FABP12: variants seen among roughly 807,000 people sequenced by gnomAD.
The protein encoded by FABP12 is fatty acid binding protein 12.
In FABP12, 19 loss-of-function variants were observed where a neutral mutation model predicts 13.7. The ratio of observed to expected loss-of-function variants is 1.39; its 90% CI spans 0.97 to 2.04. The LOEUF (loss-of-function observed/expected upper bound fraction) is 2.04. FABP12 is among the 30% of genes most tolerant of loss of function. The pLI is 0.00. For synonymous variants in FABP12, 61 were observed against 57.0 expected (o/e 1.07, Z -0.32); for missense variants, 182 against 164.2 (o/e 1.11, Z -0.59).
chr8:81,552,527 T>C (rs912016723), intron 1 of FABP12, among the ~76,000 whole-genome samples: 43 of 152,066 alleles, frequency 2.8e-4, no homozygotes, highest in Non-Finnish European at 1.2e-4. Flanking sequence ...GGAGGCAGGA[T>C]GAAAGGAGAC....
At chr8:81,541,425 A>T (rs1479289598) in intron 1 of FABP12, among the ~76,000 whole-genome samples, 1 of 152,150 alleles carries the variant, frequency 6.6e-6, no homozygotes, top group Non-Finnish European at 1.5e-5. Flanking sequence ...CTGGACCTGA[A>T]ATACATATCA....
At chr8:81,538,841 T>C (rs1809282212), upstream of FABP12, among the ~76,000 whole-genome samples, 1 of 152,154 alleles carries the variant, frequency 6.6e-6, no homozygotes, top group Non-Finnish European at 1.5e-5. Context: ...TTAATTTTTA[T>C]TACTTTTTAA....
At chr8:81,570,109 C>T (rs972570932) in intron 1 of FABP12, among the ~76,000 whole-genome samples, 4 of 152,194 alleles carry the variant, frequency 2.6e-5, no homozygotes, top group Admixed American at 1.3e-4. Flanking sequence ...GCAGCTGGAC[C>T]CGGTGCATTG....
At chr8:81,542,963 GA>G (rs1398223336) in intron 1 of FABP12, among the ~76,000 whole-genome samples, 1 of 152,168 alleles carries the variant, frequency 6.6e-6, no homozygotes, top group East Asian at 1.9e-4. Flanking sequence ...TGCTGCTGTG[GA>G]AAAGGCAACC....
intron 1 of FABP12, among the ~76,000 whole-genome samples, chr8:81,545,706 C>A (rs532912514): frequency 6.6e-6 from 1 of 152,094 alleles, no homozygotes; most frequent in Non-Finnish European, 1.5e-5. Context: ...CTAATTACTT[C>A]GAAAACTGGT....
At chr8:81,547,048 A>G (rs967574154) in intron 1 of FABP12, among the ~76,000 whole-genome samples, 14 of 152,374 alleles carry the variant, frequency 9.2e-5, no homozygotes, top group Non-Finnish European at 1.8e-4. Context: ...AAAGAAAGGG[A>G]AAAAAGTCAG....
intron 3 of FABP12, 81 bp from the exon 4 acceptor site, chr8:81,527,202 A>G: frequency 1.3e-6 from 1 of 753,414 alleles, no homozygotes; most frequent in Admixed American, 2.5e-5. Context: ...AATTCTTTTT[A>G]GCTGTTGTAA....
intron 1 of FABP12, among the ~76,000 whole-genome samples, chr8:81,571,345 T>G (rs111936375): frequency 6.6e-6 from 1 of 152,182 alleles, no homozygotes; most frequent in African/African-American, 2.4e-5. Context: ...CAGCCGCACT[T>G]GGTCATCCCG....
chr8:81,571,060 T>TCC (rs34161315), intron 1 of FABP12, among the ~76,000 whole-genome samples: 4 of 152,116 alleles, frequency 2.6e-5, no homozygotes. Context: ...CCCCACTCAG[T>TCC]CCCCCCACCC....
Position 81,545,488 on chromosome 8 carries a change from A to G in FABP12, c.-184-5745T>C, listed in dbSNP as rs143507443. On this transcript the variant is annotated intron_variant, in intron 1 of 5. Coordinates refer to the FABP12 transcript ENST00000692030. ...AAAATTAGTCCAGTGAAAGAGCTGG[A>G]ATTAGTCTAGCATTTTGAAAAGATT... Among the ~76,000 whole-genome samples the G allele has an allele frequency of 4.1e-3, 625 of 152,326 alleles. 7 individuals carry two copies. The highest frequency in any genetic ancestry group is 0.014 in the African/African-American group (596 of 41,566).
chr8:81,529,391 A>T (rs753554543), intron 3 of FABP12, 47 bp downstream of exon 3: 1 of 1,581,208 alleles, frequency 6.3e-7, no homozygotes, highest in South Asian at 1.1e-5. Flanking sequence ...ATGATATCTG[A>T]CTAACATTCT....
Position 81,541,021 on chromosome 8 carries a change from G to A in FABP12, c.-184-1278C>T, listed in dbSNP as rs550602280. Among the ~76,000 whole-genome samples the A allele has an allele frequency of 2.7e-3, 405 of 152,040 alleles. 2 individuals are homozygous for A. Among genetic ancestry groups the A allele is most frequent in the Middle Eastern group, 0.01 (3 of 294 alleles). ...TCTCTACTAAAAATACAAAAAATTA[G>A]CCAGGTTTGGTGGTGGGTGCCTGTA... On this transcript the variant is annotated intron_variant, in intron 1 of 5. Transcript: ENST00000692030.
At position 81,529,476 on chromosome 8, in the gene FABP12, C is replaced by A. The variant is rs555788593; in HGVS notation, c.208G>T (p.Glu70Ter). 23 of 1,613,824 alleles carry A rather than the reference C, an allele frequency of 1.4e-5. 1 individual carries two copies. In the Admixed American group the frequency reaches 3.3e-4, roughly 23 times the overall value. Residue 70 changes from glutamate (E) to a stop codon, truncating the protein, a stop_gained, in exon 3 of 5, where the codon GAG (glutamate) becomes TAG (stop). Coordinates refer to ENST00000360464, the Ensembl canonical transcript of FABP12. LOFTEE classifies it high-confidence loss of function. ...CCACCTGGCGTGATTTCCTCAAACT[C>A]TTCTCCCAGCTTAAAGGAGATCTCA...
chr8:81,550,205 ACTGG>A (rs1434894281), intron 1 of FABP12, among the ~76,000 whole-genome samples: 1 of 152,218 alleles, frequency 6.6e-6, no homozygotes, highest in Non-Finnish European at 1.5e-5. Context: ...AGTGCCAGCT[ACTGG>A]GGATACAATA....
chr8:81,576,754 T>G lies in FABP12; in HGVS notation c.-185+13299A>C, dbSNP rs76152316. Among the ~76,000 whole-genome samples, 638 of 152,326 alleles carry G rather than the reference T, an allele frequency of 4.2e-3. 5 individuals carry two copies. Among genetic ancestry groups the G allele is most frequent in the African/African-American group, 0.014 (589 of 41,568 alleles). Reference sequence around the variant, plus strand: ...CTGAGTGGCTTAAAACCACAAAGTTTTATTTCTAGCTCATGCTATATGTTT... The same window carrying G: ...CTGAGTGGCTTAAAACCACAAAGTTGTATTTCTAGCTCATGCTATATGTTT... On this transcript the variant is annotated intron_variant, in intron 1 of 5. Transcript: ENST00000692030.
At chr8:81,543,924 G>C (rs73692933) in intron 1 of FABP12, among the ~76,000 whole-genome samples, 2,536 of 152,158 alleles carry the variant, frequency 0.017, 68 homozygotes, top group African/African-American at 0.058. Context: ...GAGAGACAGA[G>C]AGATGAGTGT....
intron 1 of FABP12, chr8:81,533,033 C>T (rs1181915687): frequency 6.6e-6 from 1 of 152,156 alleles, no homozygotes; most frequent in Non-Finnish European, 1.5e-5. Flanking sequence ...CCACATATGT[C>T]GGATGCACAT....
chr8:81,566,629 CA>C (rs138799601), intron 1 of FABP12, among the ~76,000 whole-genome samples: 1 of 150,934 alleles, frequency 6.6e-6, no homozygotes, highest in East Asian at 1.9e-4. Context: ...CCTTCATGAC[CA>C]AAAAAACCAT....
chr8:81,570,731 G>T lies in FABP12; in HGVS notation c.-185+19322C>A, dbSNP rs150748376. ...GGGTAGTTTCTCTCTGCAGCTAGTC[G>T]TCCTGTCATCTCTCAGTCCTCTGCT... On this transcript the variant is annotated intron_variant, in intron 1 of 5. Coordinates refer to the FABP12 transcript ENST00000692030. Among the ~76,000 whole-genome samples the T allele has an allele frequency of 8.0e-3, 1,222 of 152,222 alleles. 13 individuals are homozygous for T. The highest frequency in any genetic ancestry group is 0.028 in the African/African-American group (1,152 of 41,516).
Sources: gnomAD v4.1 joint callset for allele counts (sites outside exome capture counted in the v4.1 genomes callset) on GRCh38, gnomAD v4.1.1 for gene constraint, MANE v1.5 for transcripts, NCBI Gene and HGNC (gene_info 2026-07-23, HGNC 2026-07-21) for gene names.